The following TBL1X variants were observed in gnomAD, a reference collection of about 807,000 sequenced individuals.
TBL1X encodes transducin beta like 1 X-linked.
TBL1X carries 10 observed loss-of-function variants against 50.7 expected under a neutral mutation model. The ratio of observed to expected loss-of-function variants is 0.20; its 90% CI spans 0.12 to 0.33. The LOEUF (loss-of-function observed/expected upper bound fraction) is 0.33. Among genes scored for constraint, TBL1X ranks in the 10% least tolerant of loss-of-function variants. The pLI is 1.00. For missense variants in TBL1X, 340 were observed against 504.4 expected, an observed-to-expected ratio of 0.67 and a Z score of 3.12; for synonymous variants, 190 against 214.7, an observed-to-expected ratio of 0.88 and a Z score of 1.01.
intron 15 of TBL1X, among the ~76,000 whole-genome samples, chrX:9,710,218 A>T (rs1440308494): frequency 2.6e-3 from 75 of 28,695 alleles, no homozygotes; most frequent in African/African-American, 0.011. Flanking sequence ...CCATGTCTCA[A>T]AAAAAAAAAA....
chrX:9,530,107 T>A (rs1315612029), intron 2 of TBL1X, among the ~76,000 whole-genome samples: 1 of 111,710 alleles, frequency 9.0e-6, no homozygotes, highest in Non-Finnish European at 1.9e-5. Flanking sequence ...TTAGAAGACC[T>A]AAAAAGACGA....
chrX:9,677,914 A>G, intron 5 of TBL1X, among the ~76,000 whole-genome samples: 1 of 111,798 alleles, frequency 8.9e-6, no homozygotes, highest in South Asian at 3.8e-4. Context: ...GAGCTGGGGA[A>G]ACTGTTAGGG....
chrX:9,529,653 C>T (rs778786116), intron 2 of TBL1X, among the ~76,000 whole-genome samples: 1 of 110,107 alleles, frequency 9.1e-6, no homozygotes, highest in African/African-American at 3.3e-5. Flanking sequence ...AGGAAACCTC[C>T]ATGGCATGGT....
chrX:9,498,742 C>A (rs1303247142), intron 1 of TBL1X, among the ~76,000 whole-genome samples: 1 of 112,516 alleles, frequency 8.9e-6, no homozygotes, highest in Admixed American at 9.4e-5. Context: ...CACTCTAGTG[C>A]CCATTGGGGA....
intron 5 of TBL1X, among the ~76,000 whole-genome samples, chrX:9,671,035 T>C (rs370494200): frequency 8.9e-6 from 1 of 112,045 alleles, no homozygotes; most frequent in East Asian, 2.8e-4. Flanking sequence ...AAAACAGTAA[T>C]GTCTCATGCT....
chrX:9,606,478 A>C (rs2082584044), intron 2 of TBL1X, among the ~76,000 whole-genome samples: 2 of 111,343 alleles, frequency 1.8e-5, no homozygotes, highest in African/African-American at 3.3e-5. Flanking sequence ...AAGTAGTGTT[A>C]CTGCAGCCTG....
chrX:9,552,962 G>C (rs1328007652), intron 2 of TBL1X, among the ~76,000 whole-genome samples: 1 of 111,374 alleles, frequency 9.0e-6, no homozygotes, highest in Non-Finnish European at 1.9e-5. Flanking sequence ...GGGCAACAGA[G>C]AGAGACCCTG....
intron 2 of TBL1X, among the ~76,000 whole-genome samples, chrX:9,538,407 T>G (rs1382434534): frequency 3.6e-5 from 4 of 111,975 alleles, no homozygotes; most frequent in Non-Finnish European, 7.5e-5. Context: ...CACAGATTTC[T>G]CCAAGGGCAC....
At chrX:9,519,778 G>A (rs754372561) in intron 2 of TBL1X, among the ~76,000 whole-genome samples, 12 of 111,825 alleles carry the variant, frequency 1.1e-4, no homozygotes, top group Admixed American at 2.9e-4. Context: ...CTGGGAGAGT[G>A]GCAAGGAGAG....
intron 3 of TBL1X, among the ~76,000 whole-genome samples, chrX:9,650,942 T>C (rs755313925): frequency 1.8e-5 from 2 of 108,715 alleles, no homozygotes; most frequent in African/African-American, 3.3e-5. Context: ...TTCACAAATG[T>C]ATGTATAGCC....
At chrX:9,564,690 G>A (rs1187677396) in intron 2 of TBL1X, among the ~76,000 whole-genome samples, 3 of 108,018 alleles carry the variant, frequency 2.8e-5, no homozygotes, top group Non-Finnish European at 5.7e-5. Flanking sequence ...CCAAGATCGC[G>A]CCACTGCACT....
At chrX:9,486,595 C>A (rs1262693362) in intron 1 of TBL1X, among the ~76,000 whole-genome samples, 1 of 107,554 alleles carries the variant, frequency 9.3e-6, no homozygotes, top group Non-Finnish European at 1.9e-5. Context: ...ACACACCCCC[C>A]CCCCACGCCC....
intron 2 of TBL1X, among the ~76,000 whole-genome samples, chrX:9,590,674 C>T (rs1333011380): frequency 8.9e-6 from 1 of 112,340 alleles, no homozygotes; most frequent in Non-Finnish European, 1.9e-5. Context: ...GTTCAAAATG[C>T]AGTATCTTTT....
At chrX:9,509,831 C>T (rs2082046704) in intron 2 of TBL1X, among the ~76,000 whole-genome samples, 1 of 110,634 alleles carries the variant, frequency 9.0e-6, no homozygotes, top group Admixed American at 9.7e-5. Context: ...CTGTTAATGG[C>T]GTGCATTTTC....
At chrX:9,593,600 G>A (rs1256817554) in intron 2 of TBL1X, among the ~76,000 whole-genome samples, 2 of 110,113 alleles carry the variant, frequency 1.8e-5, no homozygotes, top group Admixed American at 9.6e-5. Flanking sequence ...ATGCCCTACT[G>A]TTTGACCAAG....
intron 2 of TBL1X, among the ~76,000 whole-genome samples, chrX:9,627,243 G>A (rs183161305): frequency 6.3e-5 from 7 of 111,877 alleles, no homozygotes; most frequent in South Asian, 3.8e-4. Context: ...TTGCTTTCTT[G>A]GTGAGAGGAA....
chrX:9,660,837 T>TG (rs1180984499), intron 5 of TBL1X, among the ~76,000 whole-genome samples: 1 of 112,486 alleles, frequency 8.9e-6, no homozygotes, highest in African/African-American at 3.2e-5. Context: ...GGAGGATAGT[T>TG]GCTATGGTCC....
chrX:9,516,161 A>G (rs908287981), intron 2 of TBL1X, among the ~76,000 whole-genome samples: 1 of 111,461 alleles, frequency 9.0e-6, no homozygotes, highest in Admixed American at 9.6e-5. Context: ...TGGTTCCAGA[A>G]AATGTGTCCC....
intron 2 of TBL1X, among the ~76,000 whole-genome samples, chrX:9,550,632 A>G (rs189818667): frequency 2.0e-4 from 22 of 109,059 alleles, no homozygotes; most frequent in African/African-American, 5.4e-4. Context: ...GGAATGTAGG[A>G]AAAAAAATGT....
Sources: gnomAD v4.1 joint callset for allele counts (sites outside exome capture counted in the v4.1 genomes callset) on GRCh38, gnomAD v4.1.1 for gene constraint, MANE v1.5 for transcripts, NCBI Gene and HGNC (gene_info 2026-07-23, HGNC 2026-07-21) for gene names.